Variants in ASCC3 observed in about 807,000 individuals in gnomAD.
ASCC3 encodes ASC-1 complex subunit P200.
In ASCC3, 158 loss-of-function variants were observed where a neutral mutation model predicts 256.3. The ratio of observed to expected loss-of-function variants is 0.62; its 90% CI spans 0.54 to 0.70. The LOEUF (loss-of-function observed/expected upper bound fraction) is 0.70. Among genes scored for constraint, ASCC3 ranks in the 30% least tolerant of loss-of-function variants. ASCC3 has a pLI of 0.00. For synonymous variants in ASCC3, 948 were observed against 883.4 expected (o/e 1.07, Z -1.30); for missense variants, 2,259 against 2,626.0 (o/e 0.86, Z 3.05).
chr6:100,768,048 G>A (rs530879248), intron 8 of ASCC3, among the ~76,000 whole-genome samples: 96 of 152,158 alleles, frequency 6.3e-4, no homozygotes, highest in African/African-American at 2.1e-3. Flanking sequence ...GTCTAAAGAT[G>A]ATTAATGAAA....
At chr6:100,846,394 AACACTGACT>A (rs796542749) in intron 4 of ASCC3, among the ~76,000 whole-genome samples, 20 of 152,306 alleles carry the variant, frequency 1.3e-4, no homozygotes, top group African/African-American at 4.6e-4. Flanking sequence ...GGAAAACCAA[AACACTGACT>A]ACATAAAACT....
At chr6:100,598,273 G>T (rs1225070176) in intron 34 of ASCC3, among the ~76,000 whole-genome samples, 1 of 152,100 alleles carries the variant, frequency 6.6e-6, no homozygotes, top group African/African-American at 2.4e-5. Context: ...ACTACTAAGA[G>T]CTCTTAGTCA....
At chr6:100,853,506 C>G (rs1463592652) in intron 3 of ASCC3, among the ~76,000 whole-genome samples, 1 of 149,488 alleles carries the variant, frequency 6.7e-6, no homozygotes, top group Non-Finnish European at 1.5e-5. Context: ...GCTCTGTCAC[C>G]CAGACTGGAG....
intron 9 of ASCC3, among the ~76,000 whole-genome samples, 181 bp downstream of exon 9, chr6:100,766,964 T>C (rs551782637): frequency 4.6e-4 from 70 of 152,330 alleles, no homozygotes; most frequent in Admixed American, 1.4e-3. Context: ...TACATGGTAA[T>C]AGAATTTTCA....
Position 100,583,229 on chromosome 6 carries a change from G to A in ASCC3, c.5550+6405C>T, listed in dbSNP as rs149459370. Among the ~76,000 whole-genome samples, 1,364 of 152,192 alleles carry A rather than the reference G, an allele frequency of 9.0e-3. 23 individuals are homozygous for A. Among genetic ancestry groups the A allele is most frequent in the African/African-American group, 0.031 (1,284 of 41,524 alleles). ...TCCATCTGGTCCTGGACTCTTTTTCGTTGGTAAGCTATTGATTATTGCCAC... is the reference window on the plus strand; with the variant it reads ...TCCATCTGGTCCTGGACTCTTTTTCATTGGTAAGCTATTGATTATTGCCAC... On this transcript the variant is annotated intron_variant, in intron 36 of 41. Transcript: ENST00000369162.
chr6:100,663,874 A>G (rs1194391713), intron 14 of ASCC3, among the ~76,000 whole-genome samples: 1 of 152,140 alleles, frequency 6.6e-6, no homozygotes, highest in African/African-American at 2.4e-5. Context: ...GACACCAATC[A>G]AGTTAGTTCA....
At chr6:100,530,952 A>G in intron 37 of ASCC3, 1 of 1,461,104 alleles carries the variant, frequency 6.8e-7, no homozygotes, top group Non-Finnish European at 9.6e-7. Context: ...ATTGCAAATC[A>G]CGTGTCTAAT....
intron 8 of ASCC3, among the ~76,000 whole-genome samples, chr6:100,782,772 C>CA (rs974207877): frequency 4.6e-5 from 7 of 150,770 alleles, no homozygotes; most frequent in Admixed American, 1.3e-4. Flanking sequence ...TTTTTATGGC[C>CA]AAAAAAAAGC....
At chr6:100,812,763 C>A (rs894231868) in intron 4 of ASCC3, among the ~76,000 whole-genome samples, 5 of 151,992 alleles carry the variant, frequency 3.3e-5, no homozygotes, top group Non-Finnish European at 5.9e-5. Flanking sequence ...GACTCCGTCT[C>A]TCCAAAAAAT....
intron 25 of ASCC3, among the ~76,000 whole-genome samples, chr6:100,634,933 A>G: frequency 6.6e-6 from 1 of 152,044 alleles, no homozygotes; most frequent in Admixed American, 6.5e-5. Context: ...ATGTGGAGAA[A>G]AGGTAACTGT....
chr6:100,783,879 C>T (rs375130469), intron 8 of ASCC3, among the ~76,000 whole-genome samples: 5 of 151,504 alleles, frequency 3.3e-5, no homozygotes, highest in African/African-American at 9.7e-5. Flanking sequence ...GTTTTAAATG[C>T]TTTAAGTGCA....
intron 30 of ASCC3, among the ~76,000 whole-genome samples, chr6:100,619,832 G>C (rs1384319661): frequency 6.6e-6 from 1 of 152,066 alleles, no homozygotes; most frequent in Non-Finnish European, 1.5e-5. Flanking sequence ...CCACTGACTA[G>C]AGAATACTGA....
At chr6:100,590,414 G>C (rs1018799631) in intron 34 of ASCC3, among the ~76,000 whole-genome samples, 2 of 152,116 alleles carry the variant, frequency 1.3e-5, no homozygotes, top group African/African-American at 4.8e-5. Context: ...CATTTCACCT[G>C]AATGTGCATC....
At chr6:100,670,632 AC>A (rs1776698652) in intron 14 of ASCC3, among the ~76,000 whole-genome samples, 1 of 134,298 alleles carries the variant, frequency 7.4e-6, no homozygotes, top group Non-Finnish European at 1.6e-5. Flanking sequence ...GATACAACCA[AC>A]TTTTTTTCCC....
At chr6:100,814,864 A>G (rs1352697703) in intron 4 of ASCC3, among the ~76,000 whole-genome samples, 3 of 151,670 alleles carry the variant, frequency 2.0e-5, no homozygotes, top group African/African-American at 7.3e-5. Flanking sequence ...AGTCTATTTT[A>G]TTAATTTTTT....
At chr6:100,534,025 G>T (rs1775044642) in intron 37 of ASCC3, among the ~76,000 whole-genome samples, 1 of 152,176 alleles carries the variant, frequency 6.6e-6, no homozygotes, top group Non-Finnish European at 1.5e-5. Context: ...GCTCACGCCT[G>T]TAGTCCTAGA....
chr6:100,715,221 T>C (rs1387791049), intron 13 of ASCC3: 2 of 369,122 alleles, frequency 5.4e-6, no homozygotes, highest in East Asian at 9.3e-5. Context: ...ATATAATATT[T>C]AAAATTAAAA....
At chr6:100,718,334 T>G (rs1464561591) in intron 11 of ASCC3, 83 bp from the exon 12 acceptor site, 30 of 1,153,726 alleles carry the variant, frequency 2.6e-5, no homozygotes, top group Non-Finnish European at 3.5e-5. Context: ...TTAATAGGAC[T>G]TCTAAAAACT....
chr6:100,638,865 C>G (rs41285889), intron 24 of ASCC3, 44 bp from the exon 25 acceptor site: 2 of 1,418,114 alleles, frequency 1.4e-6, no homozygotes, highest in Non-Finnish European at 2.0e-6. Flanking sequence ...TTGAAAAACA[C>G]GCATAATACT....
Sources: gnomAD v4.1 joint callset for allele counts (sites outside exome capture counted in the v4.1 genomes callset) on GRCh38, gnomAD v4.1.1 for gene constraint, MANE v1.5 for transcripts, NCBI Gene and HGNC (gene_info 2026-07-23, HGNC 2026-07-21) for gene names.